Variants in LILRA6 observed in about 807,000 individuals in gnomAD.
LILRA6 encodes leukocyte immunoglobulin like receptor A6.
In LILRA6, 16 loss-of-function variants were observed where a neutral mutation model predicts 53.9. The observed-to-expected ratio is 0.30, with a 90% CI of 0.20 to 0.45. The LOEUF (loss-of-function observed/expected upper bound fraction) is 0.45, where lower values mean the gene tolerates loss of function less well. Ranked by LOEUF, LILRA6 falls within the 20% of genes least tolerant of loss-of-function variation. LILRA6 has a pLI of 1.00. For synonymous variants in LILRA6, 135 were observed against 256.4 expected (o/e 0.53, Z 4.52); for missense variants, 306 against 618.6 (o/e 0.49, Z 5.36).
At position 54,238,973 on chromosome 19, in the gene LILRA6, G is replaced by C. The variant is rs775950465; in HGVS notation, c.1426C>G (p.Gln476Glu). 8 of 1,611,198 alleles carry C rather than the reference G, an allele frequency of 5.0e-6. No homozygotes were observed. The African/African-American group carries it at 9.6e-5, about 19-fold the overall frequency. Residue 476 changes from glutamine to glutamate, a missense_variant, in exon 8 of 8, where the codon CAA becomes GAA. By Grantham distance (29) the Gln-to-Glu change is conservative. Around this residue, in one of 9 missense-constraint regions of LILRA6, gnomAD observed 59 missense variants for 58.6 expected, o/e 1.01. Transcript: ENST00000396365. ...GCTGTTCACCTCCCGGCTGCATCTT[G>C]GGGGTTTCTCTGGCTGTGCTGAGCC...
intron 7 of LILRA6, 133 bp from the exon 8 acceptor site, chr19:54,239,222 G>A: frequency 6.5e-7 from 1 of 1,550,242 alleles, no homozygotes; most frequent in South Asian, 1.2e-5. Context: ...CCCCATAACT[G>A]TCTGACTTGT....
At chr19:54,237,218 C>T (rs184104020), downstream of LILRA6, 16 of 150,670 alleles carry the variant, frequency 1.1e-4, 1 homozygote, top group East Asian at 5.8e-4. Flanking sequence ...CAAAAATTAG[C>T]GAGGTGTGAT....
exon 8 of LILRA6, chr19:54,238,821 C>G: frequency 1.4e-6 from 2 of 1,460,376 alleles, no homozygotes; most frequent in Admixed American, 5.0e-5. Context: ...GACATGATTA[C>G]CTTCCACAGT....
chr19:54,240,466 G>C (rs1240472522), exon 6 of LILRA6: 1 of 1,575,550 alleles, frequency 6.3e-7, no homozygotes, highest in Non-Finnish European at 8.6e-7. Context: ...TCTTTGGTCA[G>C]AAGGAAAGTG....
At chr19:54,238,932 G>A in exon 8 of LILRA6, 1 of 1,609,000 alleles carries the variant, frequency 6.2e-7, no homozygotes, top group Non-Finnish European at 8.5e-7. Context: ...ACGCTGAAGG[G>A]TGCATTGTCC....
exon 8 of LILRA6, chr19:54,238,943 T>C: frequency 1.2e-6 from 2 of 1,610,256 alleles, no homozygotes; most frequent in Non-Finnish European, 1.7e-6. Context: ...TGCATTGTCC[T>C]CTCCGCTGTT....
Position 54,241,970 on chromosome 19 carries a change from C to A in LILRA6, c.355+56G>T, listed in dbSNP as rs1200144742. 4 of 1,278,668 alleles carry A rather than the reference C, an allele frequency of 3.1e-6. 1 individual carries two copies. The African/African-American group carries it at 6.4e-5, about 21-fold the overall frequency. 79.2% of individuals were successfully genotyped at this position (1,278,668 alleles called of 1,614,324 possible). A position where few individuals can be genotyped will look rare whatever the true frequency, so the allele number is the denominator to read the frequency against. ...TGTGAGAGGGAGACACCCCTGAGAG[C>A]CGACCCCCTTCCTGAGGGCAGAGCC... On this transcript the variant is annotated intron_variant, in intron 3 of 7. Transcript: ENST00000396365.
In LILRA6 at chr19:54,239,355, C is replaced by T. The variant is rs971469387; in HGVS notation, c.1310-266G>A. 1.1e-4 allele frequency: 107 copies of T among 1,003,654 alleles called. 6 individuals are homozygous for T. The African/African-American group carries it at 1.2e-3, about 11-fold the overall frequency. 62.2% of individuals were successfully genotyped at this position (1,003,654 alleles called of 1,614,324 possible). On this transcript the variant is annotated intron_variant, in intron 7 of 7. Coordinates refer to ENST00000396365, the Ensembl canonical transcript of LILRA6. ...TCCAGGCCTCATGACGTGGCTTTTA[C>T]GGAGTTCCTCAATAAACCCTCCCTC...
rs1376088148 is a variant in LILRA6, at chr19:54,241,663, T to A, written c.571A>T (p.Arg191Trp). The A allele has an allele frequency of 6.9e-5, 105 of 1,511,642 alleles. No homozygotes were observed. In the East Asian group the frequency reaches 2.4e-3, roughly 34 times the overall value. The allele number at this position is 1,511,642 out of a possible 1,614,324, so 93.6% of individuals were successfully genotyped here. ...TAGTAATAGCATGTGAACCTCCACC[T>A]GTGGCTGGGGTTCACGGGGCCCACA... The change falls in exon 4 of 8, where the codon AGG becomes TGG. Residue 191 changes from arginine to tryptophan, a missense_variant. Around this residue, in one of 9 missense-constraint regions of LILRA6, gnomAD observed 23 missense variants for 31.3 expected, o/e 0.73. Coordinates refer to ENST00000396365, the Ensembl canonical transcript of LILRA6.
chr19:54,238,771 A>G (rs961579797), exon 8 of LILRA6: 4 of 1,092,524 alleles, frequency 3.7e-6, no homozygotes, highest in Middle Eastern at 2.5e-4. Context: ...CATTCACAAC[A>G]TAGATTGGAA....
exon 5 of LILRA6, chr19:54,240,893 C>T: frequency 1.2e-6 from 2 of 1,614,110 alleles, no homozygotes; most frequent in Non-Finnish European, 8.5e-7. Context: ...GTTGTGTGCA[C>T]CATAGCACCT....
Position 54,239,883 on chromosome 19 carries a change from G to A in LILRA6, c.1309+18C>T, listed in dbSNP as rs544948650. The A allele has an allele frequency of 4.8e-5, 75 of 1,553,616 alleles. 3 individuals are homozygous for A. The African/African-American group carries it at 5.7e-4, about 12-fold the overall frequency. ...CCCTGGGGGAGGCGGCGCTCCCCAC[G>A]AGGCCTCAGTGACTCACCAGGTGTG... is the stretch of plus-strand genomic sequence containing the variant. On this transcript the variant is annotated intron_variant, in intron 7 of 7. Coordinates refer to ENST00000396365, the Ensembl canonical transcript of LILRA6.
exon 4 of LILRA6, chr19:54,241,609 G>A: frequency 6.7e-7 from 1 of 1,489,452 alleles, no homozygotes; most frequent in Non-Finnish European, 9.2e-7. Flanking sequence ...TCACTGGGGT[G>A]GGACCACACC....
intron 7 of LILRA6, 189 bp from the exon 8 acceptor site, chr19:54,239,278 G>A: frequency 6.7e-7 from 1 of 1,490,264 alleles, no homozygotes; most frequent in South Asian, 1.3e-5. Context: ...AATCAAAACA[G>A]AAGGGGAGAG....
rs1026005257 is a variant in LILRA6 at position 54,238,729 on chromosome 19, C to G, written c.*224G>C. ...AGACAGAGAAGCACTTCACACTCACCCATGAGCTCTTTTCCGTGGGTCTCA... is the reference window on the plus strand; with the variant it reads ...AGACAGAGAAGCACTTCACACTCACGCATGAGCTCTTTTCCGTGGGTCTCA... On this transcript the variant is annotated 3_prime_UTR_variant, in exon 8 of 8. Coordinates refer to ENST00000396365, the Ensembl canonical transcript of LILRA6. 1.1e-5 allele frequency: 8 copies of G among 717,710 alleles called. No individual in the cohort carries two copies. The Admixed American group carries it at 2.6e-4, about 23-fold the overall frequency. The allele number at this position is 717,710 out of a possible 1,614,324, so 44.5% of individuals were successfully genotyped here. A position where few individuals can be genotyped will look rare whatever the true frequency, so the allele number is the denominator to read the frequency against.
At chr19:54,240,874 G>A (rs201120762) in exon 5 of LILRA6, 8,382 of 1,608,898 alleles carry the variant, frequency 5.2e-3, no homozygotes, top group Non-Finnish European at 6.5e-3. Context: ...CCGACCACTC[G>A]GAGGAGAGGT....
At chr19:54,239,318 C>G (rs1388799392) in intron 7 of LILRA6, 2 of 1,343,578 alleles carry the variant, frequency 1.5e-6, no homozygotes, top group African/African-American at 1.5e-5. Context: ...CTGGGCTCTG[C>G]GTTCTTATTC....
At position 54,240,234 on chromosome 19, in the gene LILRA6, G is replaced by C. The variant is rs367693392; in HGVS notation, c.1258+40C>G. ...TCTCCTGGGGGCCTGGGCCTGAGCT[G>C]AGCCTTTGAGCTCAGAGAGGACGGG... On this transcript the variant is annotated intron_variant, in intron 6 of 7. Coordinates refer to ENST00000396365, the Ensembl canonical transcript of LILRA6. 1.1e-5 allele frequency: 18 copies of C among 1,598,298 alleles called. No individual in the cohort carries two copies. The African/African-American group carries it at 2.3e-4, about 20-fold the overall frequency.
At chr19:54,239,810 C>A in intron 7 of LILRA6, 91 bp downstream of exon 7, 1 of 1,550,726 alleles carries the variant, frequency 6.4e-7, no homozygotes, top group Non-Finnish European at 8.7e-7. Context: ...GGGACACAAG[C>A]CCGTCCTTGA....
Sources: allele counts gnomAD v4.1 joint callset, GRCh38; gene constraint gnomAD v4.1.1; regional missense constraint gnomAD v4.1.1; transcripts MANE v1.5; gene names NCBI Gene and HGNC (gene_info 2026-07-23, HGNC 2026-07-21).